MICAL2: variants seen among roughly 807,000 people sequenced by gnomAD.
The protein encoded by MICAL2 is [F-actin]-monooxygenase MICAL2.
A neutral mutation model predicts 127.3 loss-of-function variants in MICAL2; 77 were observed. The ratio of observed to expected loss-of-function variants is 0.60; its 90% CI spans 0.50 to 0.73. The LOEUF (loss-of-function observed/expected upper bound fraction) is 0.73, where lower values mean the gene tolerates loss of function less well. MICAL2 is among the 30% of genes least tolerant of loss of function. MICAL2 has a pLI of 0.00. For missense variants in MICAL2, 1,351 were observed against 1,434.4 expected (o/e 0.94, Z 0.94); for synonymous variants, 570 against 551.1 (o/e 1.03, Z -0.48).
In MICAL2 at chr11:12,118,725, G is replaced by A. The variant is rs568458910; in HGVS notation, c.-149+7999G>A. Among the ~76,000 whole-genome samples the A allele has an allele frequency of 5.3e-5, 8 of 152,186 alleles. No homozygotes were observed. The South Asian group carries it at 1.2e-3, about 24-fold the overall frequency. ...AAATCCGAGCCCTGTGGCCTTGGGC[G>A]AGTTAATGAATCCTAGTATTTTAGT... On this transcript the variant is annotated intron_variant, in intron 1 of 27. Transcript: ENST00000683283.
intron 4 of MICAL2, among the ~76,000 whole-genome samples, chr11:12,207,188 C>A (rs1854807422): frequency 6.6e-6 from 1 of 152,144 alleles, no homozygotes; most frequent in African/African-American, 2.4e-5. Flanking sequence ...CCCACTAAGG[C>A]CCTGTTCTAC....
chr11:12,317,719 G>A (rs1864246676), intron 29 of MICAL2, among the ~76,000 whole-genome samples: 1 of 151,812 alleles, frequency 6.6e-6, no homozygotes, highest in African/African-American at 2.4e-5. Flanking sequence ...TTGAACCCGG[G>A]AGGCGGAGGT....
chr11:12,327,774 A>G (rs1217786678), intron 32 of MICAL2, among the ~76,000 whole-genome samples: 1 of 145,758 alleles, frequency 6.9e-6, no homozygotes, highest in Non-Finnish European at 1.5e-5. Context: ...TCTCCTTTAT[A>G]GAACTGATAT....
At chr11:12,268,706 C>T (rs1226151398), downstream of MICAL2, among the ~76,000 whole-genome samples, 3 of 152,146 alleles carry the variant, frequency 2.0e-5, no homozygotes, top group Non-Finnish European at 4.4e-5. Flanking sequence ...AAGAGGCCAA[C>T]TCGGCCGGGC....
At chr11:12,342,063 A>C (rs1324309807) in intron 32 of MICAL2, among the ~76,000 whole-genome samples, 1 of 152,240 alleles carries the variant, frequency 6.6e-6, no homozygotes, top group African/African-American at 2.4e-5. Context: ...TACATTTCGC[A>C]CAGGAAAAGG....
upstream of MICAL2, among the ~76,000 whole-genome samples, chr11:12,275,799 T>C (rs150405386): frequency 3.1e-3 from 470 of 152,330 alleles, 2 homozygotes; most frequent in African/African-American, 0.011. Flanking sequence ...GTGGGAAATA[T>C]GCCCTAAATG....
chr11:12,317,106 T>A (rs1205428666), intron 29 of MICAL2, among the ~76,000 whole-genome samples: 1 of 152,252 alleles, frequency 6.6e-6, no homozygotes, highest in Non-Finnish European at 1.5e-5. Flanking sequence ...AGGGGATTTC[T>A]ATGCTTAGGT....
At chr11:12,168,946 C>CAAA (rs66469229) in intron 3 of MICAL2, among the ~76,000 whole-genome samples, 4 of 115,210 alleles carry the variant, frequency 3.5e-5, no homozygotes, top group African/African-American at 1.4e-4. Flanking sequence ...GATCCTGTCT[C>CAAA]AAAAAAAAAA....
chr11:12,279,707 T>C (rs557525692), intron 1 of MICAL2, among the ~76,000 whole-genome samples: 9 of 152,206 alleles, frequency 5.9e-5, no homozygotes, highest in Non-Finnish European at 1.3e-4. Flanking sequence ...TTACAGCCAT[T>C]GGCAGAGAGG....
intron 16 of MICAL2, among the ~76,000 whole-genome samples, 186 bp from the exon 17 acceptor site, chr11:12,239,250 A>G (rs566985177): frequency 6.6e-6 from 1 of 152,192 alleles, no homozygotes; most frequent in Non-Finnish European, 1.5e-5. Flanking sequence ...CATCCTTTGG[A>G]AAGACGCATC....
chr11:12,211,724 A>T (rs1855496884), intron 6 of MICAL2, among the ~76,000 whole-genome samples: 1 of 152,160 alleles, frequency 6.6e-6, no homozygotes, highest in South Asian at 2.1e-4. Context: ...CAAGAGGCCA[A>T]AGAAGAGCCC....
intron 4 of MICAL2, chr11:12,207,737 G>A: frequency 3.5e-6 from 1 of 289,390 alleles, no homozygotes; most frequent in Non-Finnish European, 6.4e-6. Flanking sequence ...ACAGATGTGG[G>A]TCCATGTTCT....
intron 15 of MICAL2, among the ~76,000 whole-genome samples, chr11:12,230,302 C>T (rs1858066114): frequency 6.6e-6 from 1 of 152,186 alleles, no homozygotes; most frequent in South Asian, 2.1e-4. Context: ...GATGTCTGCA[C>T]GTAAGACTCT....
chr11:12,352,268 A>G (rs1158166901), intron 33 of MICAL2, among the ~76,000 whole-genome samples: 1 of 152,262 alleles, frequency 6.6e-6, no homozygotes, highest in Non-Finnish European at 1.5e-5. Context: ...TTTATCAAGC[A>G]CATTCTGTGC....
At position 12,337,606 on chromosome 11, in the gene MICAL2, C is replaced by G. The variant is rs1017497981; in HGVS notation, c.5515+10340C>G. ...TTGGGCATTTAGTGCTATAAATTTC[C>G]CTCTACACACTGCTTTGAATGTGTC... On this transcript the variant is annotated intron_variant, in intron 32 of 34. Transcript: ENST00000646065. 5.3e-5 allele frequency among the ~76,000 whole-genome samples: 8 copies of G among 151,906 alleles called. No individual in the cohort carries two copies. In the East Asian group the frequency reaches 1.5e-3, roughly 29 times the overall value.
At chr11:12,113,502 A>G (rs1247258812) in intron 1 of MICAL2, among the ~76,000 whole-genome samples, 1 of 152,188 alleles carries the variant, frequency 6.6e-6, no homozygotes. Flanking sequence ...CTGTCTCTGC[A>G]CTCTGGAGGC....
chr11:12,122,793 T>C (rs545205079), intron 1 of MICAL2, among the ~76,000 whole-genome samples: 24 of 152,342 alleles, frequency 1.6e-4, no homozygotes, highest in African/African-American at 5.8e-4. Flanking sequence ...TTTCGCTTCC[T>C]GGTGAGAAGT....
At chr11:12,136,731 G>A (rs1267285941) in intron 1 of MICAL2, among the ~76,000 whole-genome samples, 1 of 152,194 alleles carries the variant, frequency 6.6e-6, no homozygotes, top group Non-Finnish European at 1.5e-5. Context: ...AAGGGTACGA[G>A]TTGGTCCTTT....
chr11:12,310,170 C>G (rs929769064), intron 29 of MICAL2, among the ~76,000 whole-genome samples: 9 of 152,050 alleles, frequency 5.9e-5, no homozygotes, highest in Non-Finnish European at 1.2e-4. Context: ...TACATAGGCT[C>G]TTTTGCTTGA....
Sources: allele counts gnomAD v4.1 joint callset (sites outside exome capture counted in the v4.1 genomes callset), GRCh38; gene constraint gnomAD v4.1.1; transcripts MANE v1.5; gene names NCBI Gene and HGNC (gene_info 2026-07-23, HGNC 2026-07-21).